TBX18: variants seen among roughly 807,000 people sequenced by gnomAD.
TBX18 encodes T-box transcription factor TBX18.
TBX18 carries 21 observed loss-of-function variants against 55.0 expected under a neutral mutation model. That is an observed-to-expected ratio of 0.38 (90% CI 0.27 to 0.55). The LOEUF (loss-of-function observed/expected upper bound fraction) is 0.55. TBX18 is among the 20% of genes least tolerant of loss of function. TBX18 has a pLI of 0.73. For missense variants in TBX18, 840 were observed against 799.6 expected, an observed-to-expected ratio of 1.05 and a Z score of -0.61; for synonymous variants, 342 against 326.1, an observed-to-expected ratio of 1.05 and a Z score of -0.53.
intron 6 of TBX18, among the ~76,000 whole-genome samples, chr6:84,739,209 G>T (rs1200706517): frequency 6.6e-6 from 1 of 151,872 alleles, no homozygotes; most frequent in Non-Finnish European, 1.5e-5. Context: ...CCTGCAGTGT[G>T]TGGGAGGAGA....
intron 1 of TBX18, chr6:84,763,362 G>A (rs1352359426): frequency 6.6e-6 from 3 of 457,258 alleles, no homozygotes; most frequent in African/African-American, 4.0e-5. Context: ...AAGCAAGCCC[G>A]CGGTCGCCGT....
rs1208422214 is a variant in TBX18, at chr6:84,748,101, G to A, written c.772-14C>T. The A allele has an allele frequency of 2.5e-6, 4 of 1,580,868 alleles. No homozygotes were observed. Among genetic ancestry groups the A allele is most frequent in the East Asian group, 2.3e-5 (1 of 44,196 alleles). ...ATGAAGAATAATCTATATCAAAGAA[G>A]GAAAAGCTGAATTTATCAGAAGCCT... On this transcript the variant is annotated splice_polypyrimidine_tract_variant and intron_variant, in intron 4 of 7. Transcript: ENST00000369663.
chr6:84,758,758 G>C (rs1767564565), intron 3 of TBX18, among the ~76,000 whole-genome samples: 1 of 152,098 alleles, frequency 6.6e-6, no homozygotes. Context: ...CCCACTGACA[G>C]AATAAAAGCT....
intron 2 of TBX18, among the ~76,000 whole-genome samples, chr6:84,761,987 T>C (rs532365477): frequency 6.6e-6 from 1 of 152,262 alleles, no homozygotes; most frequent in East Asian, 1.9e-4. Context: ...ACATGTATTG[T>C]GGGTGAGTCC....
intron 7 of TBX18, among the ~76,000 whole-genome samples, chr6:84,738,179 C>CT (rs1216506067): frequency 6.6e-6 from 1 of 152,120 alleles, no homozygotes; most frequent in Non-Finnish European, 1.5e-5. Context: ...AAAGGGTGGA[C>CT]TGGGGGCACC....
chr6:84,742,055 A>G (rs1293205766), intron 6 of TBX18: 1 of 152,194 alleles, frequency 6.6e-6, no homozygotes, highest in Non-Finnish European at 1.5e-5. Flanking sequence ...GCTTGTCTAT[A>G]ATAAGCAAGA....
In TBX18 at chr6:84,759,549, CA is replaced by C. The variant is rs59069871; in HGVS notation, c.599+705del. 1.5e-3 allele frequency among the ~76,000 whole-genome samples: 215 copies of C among 140,576 alleles called. 1 individual carries two copies. The highest frequency in any genetic ancestry group is 5.6e-3 in the South Asian group (25 of 4,476). 92.2% of individuals were successfully genotyped at this position (140,576 alleles called of 152,430 possible). On this transcript the variant is annotated intron_variant, in intron 3 of 7. Coordinates refer to ENST00000369663, the MANE Select transcript of TBX18 (RefSeq NM_001080508.3). Reference sequence around the variant, plus strand: ...TGAAAATTGCTGATTTGTTTTCTTGCAAAAAAAAAAAGAGTAAAGATTGGTT... The same window carrying C: ...TGAAAATTGCTGATTTGTTTTCTTGCAAAAAAAAAAGAGTAAAGATTGGTT...
At chr6:84,738,863 C>T (rs971040639) in intron 6 of TBX18, among the ~76,000 whole-genome samples, 1 of 152,132 alleles carries the variant, frequency 6.6e-6, no homozygotes, top group African/African-American at 2.4e-5. Flanking sequence ...AAAAGCTGTT[C>T]CCTTGGGCTA....
At chr6:84,742,720 CG>C (rs1767076845) in intron 6 of TBX18, among the ~76,000 whole-genome samples, 1 of 151,906 alleles carries the variant, frequency 6.6e-6, no homozygotes, top group East Asian at 1.9e-4. Context: ...ATTTCTCTCC[CG>C]GAATTTCAGT....
At chr6:84,746,303 C>G (rs1040149043) in intron 5 of TBX18, among the ~76,000 whole-genome samples, 1 of 151,166 alleles carries the variant, frequency 6.6e-6, no homozygotes, top group African/African-American at 2.4e-5. Flanking sequence ...CTAAATGCCT[C>G]TGCTATTTTC....
rs1451692974 is a variant in TBX18 at position 84,736,728 on chromosome 6, C to T, written c.1781G>A (p.Ser594Asn). The T allele has an allele frequency of 6.3e-7, 1 of 1,596,848 alleles. No individual in the cohort carries two copies. The highest frequency in any genetic ancestry group is 1.4e-5 in the African/African-American group (1 of 73,812). ...QSFFDSRTLG[S>N]LTLSSSQVSA... The stretch of plus-strand genomic sequence containing the variant: ...TACTTGAGATGATGACAGAGTTAAG[C>T]TTCCTAGGGTCCTAGAGTCAAAGAA... The change falls in exon 8 of 8, where the codon AGC becomes AAC. Residue 594 changes from serine (S) to asparagine (N), a missense_variant. By Grantham distance (46) the Ser-to-Asn change is conservative. Transcript: ENST00000369663.
At chr6:84,748,821 A>G (rs1296222340) in intron 4 of TBX18, among the ~76,000 whole-genome samples, 1 of 152,204 alleles carries the variant, frequency 6.6e-6, no homozygotes, top group Admixed American at 6.6e-5. Flanking sequence ...TTTCATGTAC[A>G]AAGACGGGCA....
chr6:84,762,982 G>A, intron 1 of TBX18: 1 of 573,980 alleles, frequency 1.7e-6, no homozygotes, highest in South Asian at 2.1e-5. Context: ...CAAGTCCCAA[G>A]CCCGGGAGAG....
intron 6 of TBX18, 64 bp downstream of exon 6, chr6:84,744,197 G>A (rs1767120984): frequency 7.2e-7 from 1 of 1,396,132 alleles, no homozygotes; most frequent in Non-Finnish European, 9.9e-7. Flanking sequence ...CTTTGTAATA[G>A]AAAATTCATA....
At chr6:84,747,422 C>T (rs1767225977) in intron 5 of TBX18, among the ~76,000 whole-genome samples, 1 of 152,170 alleles carries the variant, frequency 6.6e-6, no homozygotes, top group Non-Finnish European at 1.5e-5. Context: ...CATTGCTGAT[C>T]TCTCAGACTA....
At position 84,747,902 on chromosome 6, in the gene TBX18, C is replaced by T. The variant is rs764286924; in HGVS notation, c.939+18G>A. 1 of 1,592,828 alleles carries T rather than the reference C, an allele frequency of 6.3e-7. No homozygotes were observed. The highest frequency in any genetic ancestry group is 8.6e-7 in the Non-Finnish European group (1 of 1,165,984). Reference sequence around the variant, plus strand: ...TGAAATGAAAAATCTACAAAGATTCCAATTCTGAGAACAATACCTGCTGAT... The same window carrying T: ...TGAAATGAAAAATCTACAAAGATTCTAATTCTGAGAACAATACCTGCTGAT... On this transcript the variant is annotated intron_variant, in intron 5 of 7. Transcript: ENST00000369663.
Position 84,763,915 on chromosome 6 carries a change from G to T in TBX18, c.267C>A (p.Gly89=), listed in dbSNP as rs367613915. ...CCGCGGCTCCGCGCTCCAGGTCTGC[G>T]CCACTCCGAGCCGGCCCAGACGTCG... The part of the protein sequence containing the change: ...AGATSGPARS[G]ADLERGAAGG... Residue 89 remains glycine, a synonymous_variant, in exon 1 of 8, where the codon GGC becomes GGA. Transcript: ENST00000369663. 2.6e-6 allele frequency: 4 copies of T among 1,554,308 alleles called. No individual in the cohort carries two copies. Among genetic ancestry groups the T allele is most frequent in the Non-Finnish European group, 3.5e-6 (4 of 1,156,860 alleles).
At chr6:84,761,773 C>G (rs1479352960) in intron 2 of TBX18, among the ~76,000 whole-genome samples, 2 of 152,122 alleles carry the variant, frequency 1.3e-5, no homozygotes. Flanking sequence ...ATTTTACTAA[C>G]CAATGGATGG....
chr6:84,738,944 C>G (rs1199962419), intron 6 of TBX18, among the ~76,000 whole-genome samples: 1 of 152,244 alleles, frequency 6.6e-6, no homozygotes, highest in African/African-American at 2.4e-5. Flanking sequence ...TGGAACACAC[C>G]CACTCTCCTT....
Sources: allele counts gnomAD v4.1 joint callset (sites outside exome capture counted in the v4.1 genomes callset), GRCh38; gene constraint gnomAD v4.1.1; transcripts MANE v1.5; gene names NCBI Gene and HGNC (gene_info 2026-07-23, HGNC 2026-07-21).